Variants in CFAP20DC observed in about 807,000 individuals in gnomAD.
The protein encoded by CFAP20DC is CFAP20 domain containing.
A neutral mutation model predicts 101.7 loss-of-function variants in CFAP20DC; 84 were observed. The observed-to-expected ratio is 0.83, with a 90% CI of 0.69 to 0.99. The LOEUF is 0.99. Among genes scored for constraint, CFAP20DC ranks in the 50% least tolerant of loss-of-function variants. The pLI is 0.00. For synonymous variants in CFAP20DC, 359 were observed against 351.2 expected, an observed-to-expected ratio of 1.02 and a Z score of -0.25; for missense variants, 1,007 against 970.3, an observed-to-expected ratio of 1.04 and a Z score of -0.50.
intron 4 of CFAP20DC, among the ~76,000 whole-genome samples, chr3:58,965,519 C>T (rs949739242): frequency 4.6e-5 from 7 of 152,132 alleles, no homozygotes; most frequent in African/African-American, 1.4e-4. Context: ...GTACCAATCT[C>T]AGATGTGCCA....
chr3:58,890,135 A>C, intron 6 of CFAP20DC, among the ~76,000 whole-genome samples: 1 of 150,256 alleles, frequency 6.7e-6, no homozygotes. Context: ...GCGGCCGGGC[A>C]GAGGCGCCCC....
intron 4 of CFAP20DC, among the ~76,000 whole-genome samples, chr3:58,987,811 A>G (rs572435666): frequency 6.6e-6 from 1 of 152,098 alleles, no homozygotes; most frequent in East Asian, 1.9e-4. Flanking sequence ...ACCTATAACC[A>G]TTAAAGAAAT....
intron 16 of CFAP20DC, among the ~76,000 whole-genome samples, chr3:58,751,599 G>A (rs748099186): frequency 2.0e-5 from 3 of 152,026 alleles, no homozygotes; most frequent in Non-Finnish European, 4.4e-5. Context: ...TTTAATTAAT[G>A]CTTTTCCTGT....
chr3:58,832,778 T>G (rs988717830), intron 13 of CFAP20DC, among the ~76,000 whole-genome samples: 1 of 152,218 alleles, frequency 6.6e-6, no homozygotes, highest in Non-Finnish European at 1.5e-5. Context: ...AGGTGGAAAT[T>G]GGCATGTAGA....
intron 6 of CFAP20DC, among the ~76,000 whole-genome samples, chr3:58,911,385 T>C (rs2084136055): frequency 6.6e-6 from 1 of 152,144 alleles, no homozygotes; most frequent in African/African-American, 2.4e-5. Context: ...TTTATATAAA[T>C]GTAAAAGATA....
intron 10 of CFAP20DC, among the ~76,000 whole-genome samples, chr3:58,867,307 G>A (rs2108501313): frequency 6.6e-6 from 1 of 152,244 alleles, no homozygotes; most frequent in East Asian, 1.9e-4. Context: ...CAATATTTAA[G>A]GGAATAACTA....
chr3:59,038,200 C>T (rs897997913), intron 4 of CFAP20DC, among the ~76,000 whole-genome samples: 3 of 152,044 alleles, frequency 2.0e-5, no homozygotes, highest in Admixed American at 2.0e-4. Context: ...TTGATGGGTG[C>T]AGCGAACCAC....
intron 3 of CFAP20DC, among the ~76,000 whole-genome samples, chr3:59,044,515 TA>T (rs1162709691): frequency 2.6e-5 from 4 of 152,044 alleles, no homozygotes; most frequent in South Asian, 2.1e-4. Flanking sequence ...TTTTTACAAT[TA>T]AAACGATCAT....
rs1044506116 is a variant in CFAP20DC, at chr3:58,722,541, G to C, written c.198-4913C>G. 2.0e-5 allele frequency among the ~76,000 whole-genome samples: 3 copies of C among 152,166 alleles called. No individual in the cohort carries two copies. Among genetic ancestry groups the C allele is most frequent in the Non-Finnish European group, 2.9e-5 (2 of 68,032 alleles). On this transcript the variant is annotated intron_variant, in intron 3 of 3. Coordinates refer to the CFAP20DC transcript ENST00000486145. This position sits in a 1 kb window ranked among gnomAD's most constrained non-coding sequence, Gnocchi z 4.5. ...GACTCTAATTCTCTCTCGTGATGGAGTAGAAACCTGAGAGATGCCACCTTC... is the reference window on the plus strand; with the variant it reads ...GACTCTAATTCTCTCTCGTGATGGACTAGAAACCTGAGAGATGCCACCTTC...
chr3:58,824,736 G>A (rs1330504879), intron 14 of CFAP20DC, among the ~76,000 whole-genome samples: 1 of 152,004 alleles, frequency 6.6e-6, no homozygotes, highest in Non-Finnish European at 1.5e-5. Flanking sequence ...ATTATGCTCT[G>A]CAACATGCCA....
chr3:59,028,203 C>A lies in CFAP20DC; in HGVS notation c.278+11354G>T, dbSNP rs912155004. Among the ~76,000 whole-genome samples the A allele has an allele frequency of 9.2e-5, 14 of 152,206 alleles. 1 individual carries two copies. Among genetic ancestry groups the A allele is most frequent in the Admixed American group, 6.5e-4 (10 of 15,286 alleles). On this transcript the variant is annotated intron_variant, in intron 4 of 16. Coordinates refer to ENST00000482387, the MANE Select transcript of CFAP20DC (RefSeq NM_001394063.1). The stretch of plus-strand genomic sequence containing the variant: ...CACAGGCATATGATCCTGAATAATA[C>A]AATTTTTGATCTTAAAGAAAAAAGA...
chr3:58,731,783 C>G (rs934258372), intron 3 of CFAP20DC, among the ~76,000 whole-genome samples: 3 of 152,134 alleles, frequency 2.0e-5, no homozygotes, highest in South Asian at 2.1e-4. Context: ...AACCACGGAG[C>G]TAACAACTAA....
intron 14 of CFAP20DC, among the ~76,000 whole-genome samples, chr3:58,811,945 C>T (rs2074675303): frequency 6.6e-6 from 1 of 152,098 alleles, no homozygotes; most frequent in African/African-American, 2.4e-5. Context: ...CCAAAAAACA[C>T]ATGAAAAAAT....
chr3:58,949,679 TC>T (rs2089849020), intron 4 of CFAP20DC, among the ~76,000 whole-genome samples: 1 of 152,120 alleles, frequency 6.6e-6, no homozygotes, highest in African/African-American at 2.4e-5. Flanking sequence ...TATGATTATC[TC>T]AATAGATGCA....
At chr3:59,004,193 C>A (rs1294084530) in intron 4 of CFAP20DC, among the ~76,000 whole-genome samples, 1 of 152,040 alleles carries the variant, frequency 6.6e-6, no homozygotes, top group Non-Finnish European at 1.5e-5. Flanking sequence ...ATGTTAATAA[C>A]CTGGATCAAT....
chr3:58,761,136 T>G (rs1285686478), intron 15 of CFAP20DC, among the ~76,000 whole-genome samples: 5 of 152,238 alleles, frequency 3.3e-5, no homozygotes, highest in Non-Finnish European at 4.4e-5. Flanking sequence ...GTACCTCTGG[T>G]ACAATTCAGC....
At chr3:58,824,269 T>C (rs2075886621) in intron 14 of CFAP20DC, among the ~76,000 whole-genome samples, 1 of 152,098 alleles carries the variant, frequency 6.6e-6, no homozygotes, top group Admixed American at 6.6e-5. Flanking sequence ...CTATTAATTA[T>C]AAGGAGTCTG....
chr3:58,981,876 G>A (rs1428341649), intron 4 of CFAP20DC, among the ~76,000 whole-genome samples: 1 of 152,128 alleles, frequency 6.6e-6, no homozygotes, highest in Non-Finnish European at 1.5e-5. Flanking sequence ...TTAAACTGAA[G>A]AGCTTCTGCA....
chr3:58,902,323 T>C (rs2083219148), intron 6 of CFAP20DC, among the ~76,000 whole-genome samples: 1 of 152,222 alleles, frequency 6.6e-6, no homozygotes, highest in South Asian at 2.1e-4. Flanking sequence ...AATGGAAATG[T>C]AGGGTTACAT....
Sources: gnomAD v4.1 joint callset for allele counts (sites outside exome capture counted in the v4.1 genomes callset) on GRCh38, gnomAD v4.1.1 for gene constraint, Gnocchi (gnomAD v3.1) non-coding constraint, MANE v1.5 for transcripts, NCBI Gene and HGNC (gene_info 2026-07-23, HGNC 2026-07-21) for gene names.